The following SMTNL2 variants were observed in gnomAD, a reference collection of about 807,000 sequenced individuals.
SMTNL2 encodes smoothelin-like protein 2.
Under a neutral mutation model 44.1 loss-of-function variants are expected in SMTNL2, and 43 were observed. That is an observed-to-expected ratio of 0.98 (90% CI 0.76 to 1.26). The LOEUF is 1.26. Ranked by LOEUF, SMTNL2 falls within the 50% of genes most tolerant of loss-of-function variation. SMTNL2 has a pLI of 0.00. For synonymous variants in SMTNL2, 317 were observed against 287.6 expected, an observed-to-expected ratio of 1.10 and a Z score of -1.03; for missense variants, 646 against 670.2, an observed-to-expected ratio of 0.96 and a Z score of 0.40.
rs775970386 is a variant in SMTNL2 at position 4,595,210 on chromosome 17, A to G, written c.872A>G (p.His291Arg). The G allele has an allele frequency of 6.2e-7, 1 of 1,613,476 alleles. No individual in the cohort carries two copies. Residue 291 changes from histidine to arginine, a missense_variant, in exon 5 of 8, where the codon CAT becomes CGT. Transcript: ENST00000389313. The surrounding 1 kb of genome is among the most constrained non-coding windows in gnomAD (Gnocchi z 5.1). ...CAGCCGCCAGCCATAACTCAGGTCCATCGGCAGGGGGAGCGTCGCAGGGAG... is the reference window on the plus strand; with the variant it reads ...CAGCCGCCAGCCATAACTCAGGTCCGTCGGCAGGGGGAGCGTCGCAGGGAG... ...SPQPPAITQV[H>R]RQGERRRELV...
In SMTNL2 at chr17:4,592,387, G is replaced by A. The variant is rs4790654; in HGVS notation, c.426G>A (p.Glu142=). The A allele has an allele frequency of 0.18, 284,438 of 1,613,060 alleles. 25,631 individuals are homozygous for A. Among genetic ancestry groups the A allele is most frequent in the Middle Eastern group, 0.24 (1,435 of 6,046 alleles). Reference sequence around the variant, plus strand: ...GTTTGGATCACGATGAGGCCAGTGAGTCGGAGATGAGAAAGACCTCAAACT... The same window carrying A: ...GTTTGGATCACGATGAGGCCAGTGAATCGGAGATGAGAAAGACCTCAAACT... The part of the protein sequence containing the change: ...GQSLDHDEAS[E]SEMRKTSNSC... Residue 142 remains glutamate (E), a synonymous_variant, in exon 2 of 8, where the codon GAG becomes GAA. Coordinates refer to ENST00000389313, the MANE Select transcript of SMTNL2 (RefSeq NM_001114974.2). This position sits in a 1 kb window ranked among gnomAD's most constrained non-coding sequence, Gnocchi z 4.5.
At chr17:4,584,352 G>T (rs1303945429), upstream of SMTNL2, among the ~76,000 whole-genome samples, 1 of 152,264 alleles carries the variant, frequency 6.6e-6, no homozygotes, top group South Asian at 2.1e-4. Context: ...CTCCGGGGTC[G>T]CAGGGCTCAG....
At chr17:4,599,220 A>G (rs1240120394) in intron 7 of SMTNL2, among the ~76,000 whole-genome samples, 2 of 152,144 alleles carry the variant, frequency 1.3e-5, no homozygotes, top group Non-Finnish European at 2.9e-5. Context: ...CTCCTTGTAT[A>G]CTTTAAAAGC....
intron 1 of SMTNL2, among the ~76,000 whole-genome samples, chr17:4,591,099 C>G (rs1410220923): frequency 6.6e-6 from 1 of 152,222 alleles, no homozygotes; most frequent in Non-Finnish European, 1.5e-5. Context: ...CCCTCCTTGC[C>G]CCACTGGGTC....
In SMTNL2 at chr17:4,593,842, T is replaced by C. The variant is rs9916524; in HGVS notation, c.751T>C (p.Trp251Arg). 9.2e-3 allele frequency: 14,789 copies of C among 1,613,880 alleles called. 608 individuals are homozygous for C. The African/African-American group carries it at 0.12, about 13-fold the overall frequency. Residue 251 changes from tryptophan to arginine, a missense_variant, in exon 4 of 8, where the codon TGG becomes CGG. By Grantham distance (101) the Trp-to-Arg change is moderately radical. Coordinates refer to ENST00000389313, the MANE Select transcript of SMTNL2 (RefSeq NM_001114974.2). Reference protein sequence around the residue: ...SPSEKNSSFTWSVPSSGYGAV... With the variant: ...SPSEKNSSFTRSVPSSGYGAV... ...CACAGAGAAGAATTCCTCTTTCACGTGGTCTGTGCCAAGCTCTGGCTATGG... is the reference window on the plus strand; with the variant it reads ...CACAGAGAAGAATTCCTCTTTCACGCGGTCTGTGCCAAGCTCTGGCTATGG...
chr17:4,589,307 G>A (rs1909467926), intron 1 of SMTNL2, among the ~76,000 whole-genome samples: 1 of 152,102 alleles, frequency 6.6e-6, no homozygotes, highest in Non-Finnish European at 1.5e-5. Flanking sequence ...TCCCCCCAGA[G>A]CCCCGCCTGG....
chr17:4,602,663 G>A (rs1910098789), intron 7 of SMTNL2, among the ~76,000 whole-genome samples: 1 of 152,098 alleles, frequency 6.6e-6, no homozygotes, highest in South Asian at 2.1e-4. Flanking sequence ...TTGCCATGTT[G>A]CCCAGGCTGG....
chr17:4,606,884 T>C (rs1910300373), intron 7 of SMTNL2, among the ~76,000 whole-genome samples: 1 of 152,104 alleles, frequency 6.6e-6, no homozygotes, highest in African/African-American at 2.4e-5. Context: ...CGCTCCAGCC[T>C]GGGCAACAAG....
In SMTNL2 at chr17:4,584,983, C is replaced by T; in HGVS notation, c.378C>T (p.Phe126=). The T allele has an allele frequency of 7.3e-7, 1 of 1,375,804 alleles. No individual in the cohort carries two copies. Among genetic ancestry groups the T allele is most frequent in the Non-Finnish European group, 9.4e-7 (1 of 1,066,292 alleles). 85.2% of individuals were successfully genotyped at this position (1,375,804 alleles called of 1,614,324 possible). ...GSARFASHAT[F]SLSGRGQSLD... is the part of the protein sequence containing the mutation. ...CACGCTTCGCCAGCCACGCCACCTT[C>T]TCGCTGTCCGGCCGCGGCCAGGTGA... The change falls in exon 1 of 8, where the codon TTC becomes TTT. Residue 126 remains phenylalanine (F), a synonymous_variant. Transcript: ENST00000389313.
At chr17:4,589,619 T>G (rs12940657) in intron 1 of SMTNL2, among the ~76,000 whole-genome samples, 132,581 of 152,124 alleles carry the variant, frequency 0.87, 57,803 homozygotes, top group East Asian at 1. Flanking sequence ...CTGGGTCCTG[T>G]CTGCTGTGAG....
At position 4,598,616 on chromosome 17, in the gene SMTNL2, GA is replaced by G; in HGVS notation, c.1259+1294del. Among the ~76,000 whole-genome samples, 1 of 152,282 alleles carries G rather than the reference GA, an allele frequency of 6.6e-6. No individual in the cohort carries two copies. The highest frequency in any genetic ancestry group is 2.4e-5 in the African/African-American group (1 of 41,570). ...AGGCGGGTGGATTGCCTGAGCTCAG[GA>G]GTTCGAGACCAGCTTGGGCAACACG... On this transcript the variant is annotated intron_variant, in intron 7 of 7. Transcript: ENST00000389313. The surrounding 1 kb of genome is among the most constrained non-coding windows in gnomAD (Gnocchi z 4.8).
chr17:4,607,383 C>T lies in SMTNL2; in HGVS notation c.1282C>T (p.Leu428Phe). The T allele has an allele frequency of 5.6e-6, 9 of 1,614,150 alleles. No homozygotes were observed. Among genetic ancestry groups the T allele is most frequent in the Non-Finnish European group, 7.6e-6 (9 of 1,180,024 alleles). Residue 428 changes from leucine to phenylalanine, a missense_variant, in exon 8 of 8, where the codon CTC (leucine) becomes TTC (phenylalanine). By Grantham distance (22) the Leu-to-Phe change is conservative. Coordinates refer to ENST00000389313, the MANE Select transcript of SMTNL2 (RefSeq NM_001114974.2). This position sits in a 1 kb window ranked among gnomAD's most constrained non-coding sequence, Gnocchi z 4.7. ...CAGGAATCTGGCCAACTGTGAGCGC[C>T]TCATCGAAGTGGAGGACATGATGGT... Reference protein sequence around the residue: ...MAENLANCERLIEVEDMMVMG... With the variant: ...MAENLANCERFIEVEDMMVMG...
intron 1 of SMTNL2, among the ~76,000 whole-genome samples, chr17:4,587,135 T>A (rs1251045681): frequency 2.0e-5 from 3 of 152,120 alleles, no homozygotes; most frequent in Non-Finnish European, 4.4e-5. Context: ...AAGAAGAGGC[T>A]GGGGTCAGTG....
intron 7 of SMTNL2, among the ~76,000 whole-genome samples, chr17:4,605,540 C>A (rs540309783): frequency 6.6e-6 from 1 of 152,182 alleles, no homozygotes; most frequent in South Asian, 2.1e-4. Context: ...ATTTTCATAC[C>A]ACTCTTTCGA....
intron 4 of SMTNL2, 146 bp downstream of exon 4, chr17:4,594,043 G>A (rs140584127): frequency 1.7e-5 from 13 of 757,690 alleles, no homozygotes; most frequent in South Asian, 3.4e-5. Context: ...GCGGCAGGAT[G>A]GGGGGAAGGT....
Position 4,597,293 on chromosome 17 carries a change from A to G in SMTNL2, c.1229A>G (p.Lys410Arg). 3 of 1,614,112 alleles carry G rather than the reference A, an allele frequency of 1.9e-6. No individual in the cohort carries two copies. The highest frequency in any genetic ancestry group is 2.5e-6 in the Non-Finnish European group (3 of 1,179,972). Reference protein sequence around the residue: ...YNSLSPTQRQKNFELAFTMAE... With the variant: ...YNSLSPTQRQRNFELAFTMAE... ...TCCCTGAGCCCCACGCAGAGGCAGA[A>G]GAACTTCGAGCTGGCTTTCACCATG... Residue 410 changes from lysine to arginine, a missense_variant, in exon 7 of 8, where the codon AAG (lysine) becomes AGG (arginine). Lys to Arg is a conservative substitution (Grantham distance 26). Transcript: ENST00000389313.
intron 7 of SMTNL2, among the ~76,000 whole-genome samples, chr17:4,606,494 G>A (rs897111677): frequency 2.6e-5 from 4 of 151,808 alleles, no homozygotes; most frequent in East Asian, 1.9e-4. Context: ...ACTGTGGGTC[G>A]CCTGTGCCTG....
intron 1 of SMTNL2, among the ~76,000 whole-genome samples, chr17:4,588,569 A>G (rs748644025): frequency 6.6e-6 from 1 of 152,226 alleles, no homozygotes; most frequent in Non-Finnish European, 1.5e-5. Flanking sequence ...AAAGGAGAGC[A>G]GTAACCCACT....
rs1157001182 is a variant in SMTNL2 at position 4,600,932 on chromosome 17, T to C, written c.1259+3609T>C. 6.6e-6 allele frequency among the ~76,000 whole-genome samples: 1 copy of C among 152,190 alleles called. No individual in the cohort carries two copies. The highest frequency in any genetic ancestry group is 1.5e-5 in the Non-Finnish European group (1 of 68,036). On this transcript the variant is annotated intron_variant, in intron 7 of 7. Transcript: ENST00000389313. The surrounding 1 kb of genome is among the most constrained non-coding windows in gnomAD (Gnocchi z 4.7). ...GGAGGCAGTAGTCCCAGTCCTGGCA[T>C]CCTGGTCTGCATTTAGAGCAGGCTT...
Sources: gnomAD v4.1 joint callset for allele counts (sites outside exome capture counted in the v4.1 genomes callset) on GRCh38, gnomAD v4.1.1 for gene constraint, Gnocchi (gnomAD v3.1) non-coding constraint, MANE v1.5 for transcripts, NCBI Gene and HGNC (gene_info 2026-07-23, HGNC 2026-07-21) for gene names.